Variants in AGPAT2 observed in about 807,000 individuals in gnomAD.
The protein encoded by AGPAT2 is 1-acylglycerol-3-phosphate O-acyltransferase 2.
In AGPAT2, 18 loss-of-function variants were observed where a neutral mutation model predicts 26.1. The observed-to-expected ratio is 0.69, with a 90% CI of 0.48 to 1.02. The LOEUF (loss-of-function observed/expected upper bound fraction) is 1.02, where lower values mean the gene tolerates loss of function less well. AGPAT2 is among the 50% of genes least tolerant of loss of function. AGPAT2 has a pLI of 0.00. For missense variants in AGPAT2, 415 were observed against 394.9 expected (o/e 1.05, Z -0.43); for synonymous variants, 200 against 174.2 (o/e 1.15, Z -1.16).
At chr9:136,679,036 G>A (rs1272189079) in intron 1 of AGPAT2, among the ~76,000 whole-genome samples, 2 of 152,192 alleles carry the variant, frequency 1.3e-5, no homozygotes, top group Non-Finnish European at 2.9e-5. Context: ...TTACAGGCCT[G>A]AGCCAACTCG....
At position 136,682,830 on chromosome 9, in the gene AGPAT2, G is replaced by A. The variant is rs555198012; in HGVS notation, c.182+4346C>T. Among the ~76,000 whole-genome samples, 26 of 152,268 alleles carry A rather than the reference G, an allele frequency of 1.7e-4. No homozygotes were observed. In the South Asian group the frequency reaches 4.8e-3, roughly 28 times the overall value. On this transcript the variant is annotated intron_variant, in intron 1 of 5. Transcript: ENST00000371696. ...TGCAGGAACCCAGCCTCCTCAGACC[G>A]CCTGAGCTCAGCCCCCAGGCACCTG... is the stretch of plus-strand genomic sequence containing the variant.
At chr9:136,675,916 G>A (rs1846084629) in intron 4 of AGPAT2, among the ~76,000 whole-genome samples, 1 of 152,176 alleles carries the variant, frequency 6.6e-6, no homozygotes, top group South Asian at 2.1e-4. Flanking sequence ...GGCCACTAGT[G>A]GCCAGTGTGA....
chr9:136,686,348 G>A (rs945410574), intron 1 of AGPAT2, among the ~76,000 whole-genome samples: 3 of 152,254 alleles, frequency 2.0e-5, no homozygotes, highest in Admixed American at 6.5e-5. Flanking sequence ...GCCTGGGGAC[G>A]GCTAACAGGG....
Position 136,677,150 on chromosome 9 carries a change from A to T in AGPAT2, c.317-14T>A. 6.2e-7 allele frequency: 1 copy of T among 1,612,292 alleles called. No individual in the cohort carries two copies. The highest frequency in any genetic ancestry group is 8.5e-7 in the Non-Finnish European group (1 of 1,179,594). The stretch of plus-strand genomic sequence containing the variant: ...CCTCCATGAGGCCTGGGAGACAGAG[A>T]GACAGAGACAGAGAGAGAGGGGGAG... On this transcript the variant is annotated splice_polypyrimidine_tract_variant and intron_variant, in intron 2 of 5. Transcript: ENST00000371696.
intron 1 of AGPAT2, among the ~76,000 whole-genome samples, chr9:136,680,564 T>C (rs1208017121): frequency 2.0e-5 from 3 of 152,002 alleles, no homozygotes; most frequent in South Asian, 2.1e-4. Context: ...ATCTTGGTGA[T>C]GTAAGATGTT....
At chr9:136,680,279 T>C in intron 1 of AGPAT2, among the ~76,000 whole-genome samples, 1 of 152,186 alleles carries the variant, frequency 6.6e-6, no homozygotes, top group East Asian at 1.9e-4. Context: ...CAGACTGGAG[T>C]GCAGTGGTGT....
At chr9:136,687,091 G>A (rs1286633717) in intron 1 of AGPAT2, 85 bp downstream of exon 1, 3 of 1,433,216 alleles carry the variant, frequency 2.1e-6, no homozygotes, top group Non-Finnish European at 2.8e-6. Context: ...GGGCGGGGCA[G>A]GAAGGAGGGA....
intron 1 of AGPAT2, among the ~76,000 whole-genome samples, chr9:136,685,796 C>T (rs1280248261): frequency 2.0e-5 from 3 of 152,188 alleles, no homozygotes; most frequent in East Asian, 3.9e-4. Context: ...TCACAGAGAC[C>T]CCTGCCTACA....
chr9:136,684,554 C>T (rs1030654103), intron 1 of AGPAT2, among the ~76,000 whole-genome samples: 43 of 152,262 alleles, frequency 2.8e-4, no homozygotes, highest in African/African-American at 1.0e-3. Flanking sequence ...CCTGGAACCC[C>T]GTGGGGAGGG....
chr9:136,674,400 A>G (rs575586492), intron 5 of AGPAT2, among the ~76,000 whole-genome samples: 1 of 152,350 alleles, frequency 6.6e-6, no homozygotes, highest in East Asian at 1.9e-4. Context: ...CCTGGGTTCC[A>G]TCTACCCTAT....
chr9:136,678,095 G>GCCGAGA (rs1846116371), intron 1 of AGPAT2, among the ~76,000 whole-genome samples: 1 of 152,196 alleles, frequency 6.6e-6, no homozygotes, highest in African/African-American at 2.4e-5. Flanking sequence ...CCAGAAAAGA[G>GCCGAGA]CCGAGACCGA....
At chr9:136,677,163 G>C (rs746377595) in intron 2 of AGPAT2, 27 bp from the exon 3 acceptor site, 15 of 1,611,248 alleles carry the variant, frequency 9.3e-6, no homozygotes, top group African/African-American at 5.3e-5. Context: ...CAGAGACAGA[G>C]AGAGAGGGGG....
intron 1 of AGPAT2, among the ~76,000 whole-genome samples, chr9:136,677,814 A>G (rs1846113317): frequency 6.6e-6 from 1 of 152,162 alleles, no homozygotes; most frequent in South Asian, 2.1e-4. Context: ...GGATGCTAGG[A>G]GCATGGGAAG....
At chr9:136,675,567 G>A (rs180946658) in intron 4 of AGPAT2, among the ~76,000 whole-genome samples, 38 of 146,446 alleles carry the variant, frequency 2.6e-4, no homozygotes, top group East Asian at 6.4e-4. Flanking sequence ...GGGAGGGAGG[G>A]GGCCAGCAGG....
intron 4 of AGPAT2, among the ~76,000 whole-genome samples, chr9:136,676,301 A>G (rs1375800216): frequency 1.3e-5 from 2 of 151,728 alleles, no homozygotes; most frequent in Admixed American, 1.3e-4. Flanking sequence ...CCGGCTCCCC[A>G]CCCCTCTACC....
chr9:136,684,979 G>A (rs925117113), intron 1 of AGPAT2, among the ~76,000 whole-genome samples: 2 of 152,146 alleles, frequency 1.3e-5, no homozygotes, highest in African/African-American at 2.4e-5. Context: ...CGGCCCCCAC[G>A]GAGGGAACGC....
At chr9:136,675,639 C>T (rs532094864) in intron 4 of AGPAT2, among the ~76,000 whole-genome samples, 3 of 151,964 alleles carry the variant, frequency 2.0e-5, no homozygotes, top group Admixed American at 6.5e-5. Flanking sequence ...AGCTGCACTG[C>T]GGCCACCCCC....
At chr9:136,684,255 A>G (rs2131020238) in intron 1 of AGPAT2, among the ~76,000 whole-genome samples, 1 of 152,262 alleles carries the variant, frequency 6.6e-6, no homozygotes, top group African/African-American at 2.4e-5. Flanking sequence ...GGGTTTTCTG[A>G]TCCTGTAGCT....
intron 1 of AGPAT2, among the ~76,000 whole-genome samples, chr9:136,682,763 A>G (rs914514943): frequency 1.3e-5 from 2 of 152,292 alleles, no homozygotes; most frequent in African/African-American, 2.4e-5. Context: ...ACTGGAGTCC[A>G]CTGGCCTCGA....
Sources: allele counts gnomAD v4.1 joint callset (sites outside exome capture counted in the v4.1 genomes callset), GRCh38; gene constraint gnomAD v4.1.1; transcripts MANE v1.5; gene names NCBI Gene and HGNC (gene_info 2026-07-23, HGNC 2026-07-21).